Variants in TMEM178B observed in about 807,000 individuals in gnomAD.
TMEM178B encodes the protein transmembrane protein 178B.
A neutral mutation model predicts 31.0 loss-of-function variants in TMEM178B; 5 were observed. The observed-to-expected ratio is 0.16, with a 90% confidence interval of 0.08 to 0.34. The LOEUF (loss-of-function observed/expected upper bound fraction) is 0.34. TMEM178B is among the 10% of genes least tolerant of loss of function. TMEM178B has a pLI of 1.00. For missense variants in TMEM178B, 275 were observed against 400.3 expected (o/e 0.69, Z 2.67); for synonymous variants, 164 against 164.0 (o/e 1.00, Z 0.00).
At chr7:141,132,061 A>C (rs1031764191) in intron 1 of TMEM178B, among the ~76,000 whole-genome samples, 1 of 152,170 alleles carries the variant, frequency 6.6e-6, no homozygotes. Flanking sequence ...CTTTCTCACC[A>C]TAGACTTTGA....
intron 2 of TMEM178B, among the ~76,000 whole-genome samples, chr7:141,388,005 A>G (rs560014353): frequency 3.4e-4 from 51 of 152,200 alleles, no homozygotes; most frequent in Non-Finnish European, 6.3e-4. Context: ...GCCAAGCCGC[A>G]CACCCTTTGA....
At chr7:141,124,592 T>C (rs1795459778) in intron 1 of TMEM178B, among the ~76,000 whole-genome samples, 1 of 152,182 alleles carries the variant, frequency 6.6e-6, no homozygotes. Flanking sequence ...AGTATCTACT[T>C]GTCCACATTC....
chr7:141,088,499 C>T (rs1212373295), intron 1 of TMEM178B, among the ~76,000 whole-genome samples: 2 of 152,164 alleles, frequency 1.3e-5, no homozygotes, highest in Non-Finnish European at 2.9e-5. Flanking sequence ...TTCACCTTCT[C>T]CTGGATCAGT....
chr7:141,415,942 T>C (rs185316771), intron 2 of TMEM178B: 16 of 152,714 alleles, frequency 1.0e-4, no homozygotes, highest in Non-Finnish European at 2.4e-4. Context: ...AAGTTACAAA[T>C]ATATATGAAT....
chr7:141,418,957 G>GAGTAC (rs1158353421), intron 2 of TMEM178B, among the ~76,000 whole-genome samples: 1 of 151,922 alleles, frequency 6.6e-6, no homozygotes, highest in Non-Finnish European at 1.5e-5. Context: ...GCCTAGGCTG[G>GAGTAC]AGTACAGTAG....
chr7:141,203,667 G>A (rs1210993001), intron 1 of TMEM178B, among the ~76,000 whole-genome samples: 1 of 152,196 alleles, frequency 6.6e-6, no homozygotes, highest in Non-Finnish European at 1.5e-5. Flanking sequence ...GGGTTAGTAA[G>A]GCCAGACTCT....
chr7:141,309,753 T>C (rs1445542137), intron 2 of TMEM178B, among the ~76,000 whole-genome samples: 3 of 152,230 alleles, frequency 2.0e-5, no homozygotes, highest in Non-Finnish European at 4.4e-5. Flanking sequence ...TAATGCTAAC[T>C]GACTATATTT....
chr7:141,121,386 C>A (rs945495885), intron 1 of TMEM178B, among the ~76,000 whole-genome samples: 2 of 152,140 alleles, frequency 1.3e-5, no homozygotes, highest in Non-Finnish European at 2.9e-5. Context: ...TCTGTAAGTT[C>A]CGTTTCCCCT....
chr7:141,127,940 T>C (rs921356047), intron 1 of TMEM178B, among the ~76,000 whole-genome samples: 6 of 152,182 alleles, frequency 3.9e-5, no homozygotes, highest in Non-Finnish European at 7.4e-5. Context: ...CTGTGGGATC[T>C]GCACTTCTCT....
chr7:141,433,849 A>G (rs902573447), intron 2 of TMEM178B, among the ~76,000 whole-genome samples: 4 of 152,166 alleles, frequency 2.6e-5, no homozygotes, highest in Admixed American at 2.0e-4. Context: ...CTCTGGCAAA[A>G]TAAGGTTTTC....
intron 2 of TMEM178B, among the ~76,000 whole-genome samples, chr7:141,261,174 A>G (rs565623923): frequency 4.6e-5 from 7 of 152,138 alleles, no homozygotes; most frequent in Non-Finnish European, 1.0e-4. Context: ...CTGCATAACC[A>G]TTTTGTTTGG....
intron 1 of TMEM178B, among the ~76,000 whole-genome samples, chr7:141,128,424 G>A (rs878933057): frequency 1.3e-5 from 2 of 152,050 alleles, no homozygotes; most frequent in Admixed American, 1.3e-4. Flanking sequence ...AGGCAAAACA[G>A]CCCCTGGGCA....
chr7:141,082,152 A>C (rs771352500), intron 1 of TMEM178B, among the ~76,000 whole-genome samples: 3 of 152,176 alleles, frequency 2.0e-5, no homozygotes, highest in Non-Finnish European at 4.4e-5. Context: ...ATGACGACAA[A>C]ATCGCCTAAC....
chr7:141,273,589 G>A (rs897719362), intron 2 of TMEM178B, among the ~76,000 whole-genome samples: 3 of 152,148 alleles, frequency 2.0e-5, no homozygotes, highest in African/African-American at 4.8e-5. Context: ...ATTCTACAAC[G>A]AATAGAATAG....
At chr7:141,179,795 C>A (rs1346069069) in intron 1 of TMEM178B, among the ~76,000 whole-genome samples, 7 of 152,208 alleles carry the variant, frequency 4.6e-5, no homozygotes, top group African/African-American at 1.7e-4. Context: ...CCAGGCTGAC[C>A]CTTGGCCACA....
At chr7:141,373,690 G>A (rs1800159530) in intron 2 of TMEM178B, among the ~76,000 whole-genome samples, 1 of 152,192 alleles carries the variant, frequency 6.6e-6, no homozygotes, top group Admixed American at 6.5e-5. Flanking sequence ...CCGGGGAAGG[G>A]GCATTCCCTT....
At chr7:141,160,337 C>A (rs1449445967) in intron 1 of TMEM178B, among the ~76,000 whole-genome samples, 1 of 152,078 alleles carries the variant, frequency 6.6e-6, no homozygotes, top group Non-Finnish European at 1.5e-5. Context: ...ACAGTGATAC[C>A]CCGGCACCAG....
chr7:141,229,381 TG>T (rs1171306582), intron 2 of TMEM178B, among the ~76,000 whole-genome samples: 14 of 152,088 alleles, frequency 9.2e-5, no homozygotes, highest in Non-Finnish European at 2.1e-4. Context: ...CTCTGAATCC[TG>T]TAAGTCTCTG....
chr7:141,097,026 G>A (rs1794971267), intron 1 of TMEM178B, among the ~76,000 whole-genome samples: 1 of 151,686 alleles, frequency 6.6e-6, no homozygotes, highest in Non-Finnish European at 1.5e-5. Flanking sequence ...GAAGATCAAG[G>A]CTGCAGTGAG....
Sources: gnomAD v4.1 joint callset for allele counts (sites outside exome capture counted in the v4.1 genomes callset) on GRCh38, gnomAD v4.1.1 for gene constraint, MANE v1.5 for transcripts, NCBI Gene and HGNC (gene_info 2026-07-23, HGNC 2026-07-21) for gene names.